The following WNT11 variants were observed in gnomAD, a reference collection of about 807,000 sequenced individuals.
The protein encoded by WNT11 is protein Wnt-11.
Under a neutral mutation model 35.6 loss-of-function variants are expected in WNT11, and 20 were observed. The ratio of observed to expected loss-of-function variants is 0.56; its 90% CI spans 0.40 to 0.82. WNT11 has a LOEUF of 0.82. Ranked by LOEUF, WNT11 falls within the 40% of genes least tolerant of loss-of-function variation. The probability of loss-of-function intolerance (pLI) is 0.00; values close to 1 mark genes in which losing one functional copy is unlikely to be tolerated. For synonymous variants in WNT11, 200 were observed against 211.9 expected (o/e 0.94, Z 0.49); for missense variants, 459 against 504.4 (o/e 0.91, Z 0.86).
intron 1 of WNT11, among the ~76,000 whole-genome samples, chr11:76,203,303 G>A (rs1275969504): frequency 6.6e-6 from 1 of 152,320 alleles, no homozygotes; most frequent in African/African-American, 2.4e-5. Context: ...CCAGTCTGGC[G>A]CTCCTTCCAC....
chr11:76,191,494 G>A (rs1953182640), intron 4 of WNT11, 70 bp downstream of exon 4: 2 of 1,525,386 alleles, frequency 1.3e-6, no homozygotes, highest in Non-Finnish European at 1.8e-6. Flanking sequence ...CTGTGTGCGT[G>A]ACCCTGAGCT....
Position 76,204,586 on chromosome 11 carries a change from A to C in WNT11, c.83+1739T>G, listed in dbSNP as rs544479911. ...GCTGCCATGCTCCCTCTGCTAGGACACAGACCATAGTCCACTTTGTATTTC... is the reference window on the plus strand; with the variant it reads ...GCTGCCATGCTCCCTCTGCTAGGACCCAGACCATAGTCCACTTTGTATTTC... On this transcript the variant is annotated intron_variant, in intron 1 of 4. Transcript: ENST00000322563. Among the ~76,000 whole-genome samples the C allele has an allele frequency of 9.6e-4, 146 of 152,344 alleles. 1 individual carries two copies. The highest frequency in any genetic ancestry group is 3.4e-3 in the Middle Eastern group (1 of 294).
rs111832264 is a variant in WNT11 at position 76,191,641 on chromosome 11, C to G, written c.813G>C (p.Ser271=). 10 of 1,614,042 alleles carry G rather than the reference C, an allele frequency of 6.2e-6. No individual in the cohort carries two copies. In the African/African-American group the frequency reaches 9.3e-5, roughly 15 times the overall value. Reference sequence around the variant, plus strand: ...GTGAGCTCTGCAGATAGACGAGTTCCGAGTCCTTCACAGGCCGGATATCCA... The same window carrying G: ...GTGAGCTCTGCAGATAGACGAGTTCGGAGTCCTTCACAGGCCGGATATCCA... ...KDLDIRPVKD[S]ELVYLQSSPD... Residue 271 remains serine (S), a synonymous_variant, in exon 4 of 5, where the codon TCG becomes TCC. Transcript: ENST00000322563.
At chr11:76,200,054 C>T (rs1053324389) in intron 1 of WNT11, among the ~76,000 whole-genome samples, 6 of 152,180 alleles carry the variant, frequency 3.9e-5, no homozygotes, top group East Asian at 3.9e-4. Context: ...CTGCCTCTCA[C>T]GCTCTGCCAT....
chr11:76,196,783 C>T (rs1953295865), intron 1 of WNT11, 65 bp from the exon 2 acceptor site: 1 of 1,486,974 alleles, frequency 6.7e-7, no homozygotes, highest in African/African-American at 1.4e-5. Context: ...GCCACATGGC[C>T]TCCACCCGCC....
chr11:76,196,848 T>C, intron 1 of WNT11, 130 bp from the exon 2 acceptor site: 1 of 1,085,900 alleles, frequency 9.2e-7, no homozygotes, highest in Non-Finnish European at 1.3e-6. Flanking sequence ...TCCTGGCTCC[T>C]TCCAAAAAAG....
chr11:76,188,921 G>C (rs1301842798), intron 4 of WNT11, among the ~76,000 whole-genome samples: 2 of 152,254 alleles, frequency 1.3e-5, no homozygotes, highest in Non-Finnish European at 2.9e-5. Context: ...GAGGCCCGGA[G>C]GAGGCTGATC....
Position 76,206,478 on chromosome 11 carries a change from G to T in WNT11, c.-71C>A. The T allele has an allele frequency of 7.6e-7, 1 of 1,312,698 alleles. No homozygotes were observed. Among genetic ancestry groups the T allele is most frequent in the Non-Finnish European group, 9.7e-7 (1 of 1,032,680 alleles). 81.3% of individuals were successfully genotyped at this position (1,312,698 alleles called of 1,614,324 possible). Reference sequence around the variant, plus strand: ...GCCGAAGTCCTCCGCCTGCACGGCCGCCGCTGGTCCTGCACGCCGCCTGCA... The same window carrying T: ...GCCGAAGTCCTCCGCCTGCACGGCCTCCGCTGGTCCTGCACGCCGCCTGCA... On this transcript the variant is annotated 5_prime_UTR_variant, in exon 1 of 5. Coordinates refer to ENST00000322563, the MANE Select transcript of WNT11 (RefSeq NM_004626.3).
rs747360159 is a variant in WNT11 at position 76,191,872 on chromosome 11, G to A, written c.598-16C>T. The A allele has an allele frequency of 1.3e-6, 2 of 1,585,072 alleles. No homozygotes were observed. Among genetic ancestry groups the A allele is most frequent in the East Asian group, 2.2e-5 (1 of 44,522 alleles). Reference sequence around the variant, plus strand: ...CGCGCAGAGCCTGCGGACAGGGGAAGGCGTCAGCTGGGTGGCCAGAGTCCC... The same window carrying A: ...CGCGCAGAGCCTGCGGACAGGGGAAAGCGTCAGCTGGGTGGCCAGAGTCCC... On this transcript the variant is annotated splice_polypyrimidine_tract_variant and intron_variant, in intron 3 of 4. Transcript: ENST00000322563.
upstream of WNT11, chr11:76,210,510 G>C (rs1173399828): frequency 2.0e-6 from 2 of 985,164 alleles, no homozygotes; most frequent in African/African-American, 3.5e-5. Context: ...GCGTGCCCGG[G>C]TGCCCCGGCC....
chr11:76,210,482 G>C, upstream of WNT11: 4 of 985,276 alleles, frequency 4.1e-6, no homozygotes, highest in Non-Finnish European at 3.6e-6. Flanking sequence ...CTCCCGGGGC[G>C]CTCGCCAGGC....
intron 3 of WNT11, among the ~76,000 whole-genome samples, chr11:76,192,117 G>A (rs747764832): frequency 9.9e-5 from 15 of 152,260 alleles, no homozygotes; most frequent in South Asian, 2.1e-4. Flanking sequence ...TATACCAAGC[G>A]CTCTAACACA....
intron 1 of WNT11, among the ~76,000 whole-genome samples, chr11:76,202,275 T>C (rs998786021): frequency 2.6e-5 from 4 of 152,146 alleles, no homozygotes; most frequent in Non-Finnish European, 2.9e-5. Flanking sequence ...TCTGTGCTTC[T>C]GGGATGAGGA....
In WNT11 at chr11:76,194,806, C is replaced by A. The variant is rs766162311; in HGVS notation, c.358G>T (p.Ala120Ser). The A allele has an allele frequency of 6.5e-7, 1 of 1,545,678 alleles. No individual in the cohort carries two copies. ...CGGGCGATGGCGTGGCTGATGGCGGCGGCCGACAGCGCATACACGAAGGCC... is the reference window on the plus strand; with the variant it reads ...CGGGCGATGGCGTGGCTGATGGCGGAGGCCGACAGCGCATACACGAAGGCC... ...ESAFVYALSAAAISHAIARAC... is the reference protein window; with the variant it reads ...ESAFVYALSASAISHAIARAC... Residue 120 changes from alanine (A) to serine (S), a missense_variant, in exon 3 of 5, where the codon GCC becomes TCC. By Grantham distance (99) the Ala-to-Ser change is moderately conservative. Transcript: ENST00000322563. The surrounding 1 kb of genome is among the most constrained non-coding windows in gnomAD (Gnocchi z 5.4).
chr11:76,195,017 C>G, intron 2 of WNT11, 173 bp from the exon 3 acceptor site: 5 of 807,568 alleles, frequency 6.2e-6, no homozygotes, highest in Non-Finnish European at 9.3e-6. Context: ...TCTGAATATA[C>G]CAGCTGACAG....
rs545338742 is a variant in WNT11, at chr11:76,186,613, A to G, written c.*452T>C. 1 of 202,028 alleles carries G rather than the reference A, an allele frequency of 4.9e-6. No homozygotes were observed. Among genetic ancestry groups the G allele is most frequent in the East Asian group, 1.1e-4 (1 of 8,744 alleles). 12.5% of individuals were successfully genotyped at this position (202,028 alleles called of 1,614,324 possible). ...GAAGAAAAAGCAAAAAACAAAAGAA[A>G]ACATTTACAACCCAAGCTAGTGATT... On this transcript the variant is annotated 3_prime_UTR_variant, in exon 5 of 5. Coordinates refer to ENST00000322563, the MANE Select transcript of WNT11 (RefSeq NM_004626.3).
intron 1 of WNT11, among the ~76,000 whole-genome samples, chr11:76,204,009 G>A (rs773043227): frequency 1.8e-4 from 27 of 152,290 alleles, no homozygotes; most frequent in Middle Eastern, 3.4e-3. Context: ...TTCCTCTTCT[G>A]TGCAACGGGG....
At chr11:76,193,465 G>C (rs545068325) in intron 3 of WNT11, among the ~76,000 whole-genome samples, 2 of 152,376 alleles carry the variant, frequency 1.3e-5, no homozygotes, top group South Asian at 2.1e-4. Flanking sequence ...CTGGCGAAGG[G>C]CTCCCACTGG....
upstream of WNT11, chr11:76,206,602 C>T (rs985922299): frequency 1.3e-5 from 15 of 1,143,118 alleles, no homozygotes; most frequent in Non-Finnish European, 1.6e-5. Context: ...GGAGGCCGAG[C>T]GCGGCGGGCG....
Sources: gnomAD v4.1 joint callset for allele counts (sites outside exome capture counted in the v4.1 genomes callset) on GRCh38, gnomAD v4.1.1 for gene constraint, Gnocchi (gnomAD v3.1) non-coding constraint, MANE v1.5 for transcripts, NCBI Gene and HGNC (gene_info 2026-07-23, HGNC 2026-07-21) for gene names.